Variants in PRMT8 observed in about 807,000 individuals in gnomAD.
The protein encoded by PRMT8 is protein arginine N-methyltransferase 8.
Under a neutral mutation model 47.1 loss-of-function variants are expected in PRMT8, and 7 were observed. The observed-to-expected ratio is 0.15, with a 90% CI of 0.08 to 0.28. The LOEUF (loss-of-function observed/expected upper bound fraction) is 0.28. PRMT8 is among the 10% of genes least tolerant of loss of function. PRMT8 has a pLI of 1.00. For missense variants in PRMT8, 237 were observed against 505.4 expected (o/e 0.47, Z 5.09); for synonymous variants, 188 against 186.5 (o/e 1.01, Z -0.07).
At chr12:3,459,721 G>T (rs958334409) in intron 1 of PRMT8, among the ~76,000 whole-genome samples, 1 of 152,180 alleles carries the variant, frequency 6.6e-6, no homozygotes, top group Admixed American at 6.5e-5. Flanking sequence ...GCAGGGGGTT[G>T]GTTGGTGTCT....
intron 3 of PRMT8, chr12:3,551,747 C>T (rs936749534): frequency 1.3e-5 from 2 of 152,324 alleles, no homozygotes; most frequent in Admixed American, 1.3e-4. Flanking sequence ...TTCCAGACCC[C>T]CTTCCACCCA....
intron 1 of PRMT8, among the ~76,000 whole-genome samples, chr12:3,527,389 C>T (rs1026526030): frequency 3.3e-5 from 5 of 151,980 alleles, no homozygotes; most frequent in East Asian, 1.9e-4. Flanking sequence ...TTCATTTCCT[C>T]GGTAGGTGGA....
chr12:3,491,253 G>A lies in PRMT8; in HGVS notation c.-373G>A, dbSNP rs1865390585. ...TTGAGAGGAGTTGGCGGCTGCCTCC[G>A]GCCGGCCGGACTTTGCGAGCAGCCT... On this transcript the variant is annotated 5_prime_UTR_variant, in exon 1 of 10. Transcript: ENST00000382622. 3 of 1,024,578 alleles carry A rather than the reference G, an allele frequency of 2.9e-6. No individual in the cohort carries two copies. The highest frequency in any genetic ancestry group is 1.7e-5 in the African/African-American group (1 of 58,496). The allele number at this position is 1,024,578 out of a possible 1,614,324, so 63.5% of individuals were successfully genotyped here.
At chr12:3,414,162 T>C (rs999451776) in intron 1 of PRMT8, among the ~76,000 whole-genome samples, 3 of 152,206 alleles carry the variant, frequency 2.0e-5, no homozygotes, top group Admixed American at 1.3e-4. Context: ...GCTAATTTTG[T>C]AAAAGATGAC....
intron 2 of PRMT8, among the ~76,000 whole-genome samples, chr12:3,543,520 G>T (rs1866269911): frequency 1.3e-5 from 2 of 152,182 alleles, no homozygotes; most frequent in Admixed American, 6.5e-5. Context: ...CCCTCACACG[G>T]TGGGGAGCAG....
intron 1 of PRMT8, among the ~76,000 whole-genome samples, chr12:3,470,174 A>G (rs950184501): frequency 5.3e-5 from 8 of 152,242 alleles, no homozygotes; most frequent in African/African-American, 1.9e-4. Context: ...CCTGGTTTCA[A>G]ATAGCAGGGA....
At chr12:3,438,058 C>T (rs991728396) in intron 1 of PRMT8, among the ~76,000 whole-genome samples, 2 of 152,168 alleles carry the variant, frequency 1.3e-5, no homozygotes, top group Non-Finnish European at 2.9e-5. Context: ...GTCTACGATT[C>T]CTGCAGAAAA....
intron 1 of PRMT8, among the ~76,000 whole-genome samples, chr12:3,539,478 A>G (rs149822414): frequency 6.6e-4 from 100 of 152,278 alleles, no homozygotes; most frequent in African/African-American, 2.3e-3. Flanking sequence ...TCCCAGCCCT[A>G]GAGGACTGAC....
At chr12:3,408,910 C>T (rs995182821) in intron 1 of PRMT8, among the ~76,000 whole-genome samples, 3 of 152,160 alleles carry the variant, frequency 2.0e-5, no homozygotes, top group African/African-American at 4.8e-5. Flanking sequence ...GTATGCTGTT[C>T]TTAGTAGCAA....
In PRMT8 at chr12:3,444,384, G is replaced by A. The variant is rs555271331; in HGVS notation, c.48+62942G>A. On this transcript the variant is annotated intron_variant, in intron 1 of 9. Coordinates refer to the PRMT8 transcript ENST00000452611. ...AAGAAGGGGAAGGACACTTAGCCCA[G>A]GTAACAGCCTGGAGACCACTGTCCT... Among the ~76,000 whole-genome samples the A allele has an allele frequency of 1.4e-3, 217 of 152,294 alleles. 1 individual carries two copies. The highest frequency in any genetic ancestry group is 2.0e-3 in the Non-Finnish European group (138 of 68,024).
chr12:3,397,055 C>T (rs1864257175), intron 1 of PRMT8, among the ~76,000 whole-genome samples: 1 of 151,786 alleles, frequency 6.6e-6, no homozygotes, highest in South Asian at 2.1e-4. Context: ...CCTTGGTTTT[C>T]AGCTCCATCA....
At chr12:3,440,905 G>A (rs1229396378) in intron 1 of PRMT8, among the ~76,000 whole-genome samples, 13 of 152,114 alleles carry the variant, frequency 8.5e-5, no homozygotes, top group Admixed American at 6.6e-4. Flanking sequence ...ACAAGAACTT[G>A]CCTTAAACCC....
At position 3,593,927 on chromosome 12, in the gene PRMT8, AG is replaced by A. The variant is rs1247364172; in HGVS notation, c.*746del. The A allele has an allele frequency of 3.9e-5, 6 of 153,012 alleles. No homozygotes were observed. Among genetic ancestry groups the A allele is most frequent in the South Asian group, 2.1e-4 (1 of 4,834 alleles). The allele number at this position is 153,012 out of a possible 1,614,324, so 9.5% of individuals were successfully genotyped here. A position where few individuals can be genotyped will look rare whatever the true frequency, so the allele number is the denominator to read the frequency against. ...GACTGTGGCTCTGAACCTTGAGCATAGTACCACGGACTCCGTGGGCGCTCAA... is the reference window on the plus strand; with the variant it reads ...GACTGTGGCTCTGAACCTTGAGCATATACCACGGACTCCGTGGGCGCTCAA... On this transcript the variant is annotated 3_prime_UTR_variant, in exon 10 of 10. Transcript: ENST00000382622. The surrounding 1 kb of genome is among the most constrained non-coding windows in gnomAD (Gnocchi z 4.8).
At chr12:3,519,220 A>G (rs985310821) in intron 1 of PRMT8, among the ~76,000 whole-genome samples, 3 of 152,214 alleles carry the variant, frequency 2.0e-5, no homozygotes, top group Admixed American at 2.0e-4. Context: ...GAAAAAGGAA[A>G]CAGGGAATGA....
At chr12:3,491,889 T>TGTGTGTGTGTG (rs1565421679) in intron 1 of PRMT8, among the ~76,000 whole-genome samples, 189 bp downstream of exon 1, 1 of 32,896 alleles carries the variant, frequency 3.0e-5, no homozygotes, top group Non-Finnish European at 5.7e-5. Context: ...TGTGTGTGTG[T>TGTGTGTGTGTG]TGGTGGGGGG....
intron 1 of PRMT8, among the ~76,000 whole-genome samples, chr12:3,425,531 A>G (rs879464101): frequency 1.3e-5 from 2 of 152,198 alleles, no homozygotes; most frequent in African/African-American, 4.8e-5. Flanking sequence ...GGCTGACATG[A>G]ATTTGTCTTT....
At chr12:3,587,561 C>T (rs1024383136) in intron 8 of PRMT8, among the ~76,000 whole-genome samples, 3 of 152,174 alleles carry the variant, frequency 2.0e-5, no homozygotes, top group Non-Finnish European at 2.9e-5. Flanking sequence ...ACCTCTGCAT[C>T]TTCCTGGATG....
upstream of PRMT8, chr12:3,491,093 G>A (rs895957231): frequency 1.1e-6 from 1 of 899,034 alleles, no homozygotes; most frequent in Non-Finnish European, 1.3e-6. Flanking sequence ...GGGCCCGGGG[G>A]CGCTGGGGGC....
intron 1 of PRMT8, among the ~76,000 whole-genome samples, chr12:3,417,191 C>G (rs1338304475): frequency 6.6e-6 from 1 of 152,154 alleles, no homozygotes. Context: ...ATTTTGGAGT[C>G]TCTTGTTGCC....
Sources: allele counts gnomAD v4.1 joint callset (sites outside exome capture counted in the v4.1 genomes callset), GRCh38; gene constraint gnomAD v4.1.1; non-coding constraint Gnocchi (gnomAD v3.1); transcripts MANE v1.5; gene names NCBI Gene and HGNC (gene_info 2026-07-23, HGNC 2026-07-21).